The following ZNF880 variants were observed in gnomAD, a reference collection of about 807,000 sequenced individuals.
ZNF880 encodes zinc finger protein 880.
In ZNF880, 12 loss-of-function variants were observed where a neutral mutation model predicts 11.8. The ratio of observed to expected loss-of-function variants is 1.02; its 90% CI spans 0.65 to 1.65. ZNF880 has a LOEUF of 1.65. ZNF880 is among the 40% of genes most tolerant of loss of function. The probability of loss-of-function intolerance (pLI) is 0.00; values close to 1 mark genes in which losing one functional copy is unlikely to be tolerated. For synonymous variants in ZNF880, 210 were observed against 232.4 expected, an observed-to-expected ratio of 0.90 and a Z score of 0.88; for missense variants, 601 against 673.9, an observed-to-expected ratio of 0.89 and a Z score of 1.20.
the ZNF880 span, among the ~76,000 whole-genome samples, chr19:52,393,843 T>TC: frequency 2.1e-5 from 3 of 145,220 alleles, no homozygotes; most frequent in African/African-American, 7.5e-5. Flanking sequence ...CCCTTTTTTT[T>TC]TTTTTTTTTT....
intron 2 of ZNF880, among the ~76,000 whole-genome samples, 184 bp downstream of exon 2, chr19:52,373,421 T>TAATA (rs1986452740): frequency 6.6e-6 from 1 of 152,134 alleles, no homozygotes; most frequent in Non-Finnish European, 1.5e-5. Flanking sequence ...ATAAGCTCCA[T>TAATA]AATACTTTCT....
At chr19:52,383,084 CT>C (rs1185870938) in intron 3 of ZNF880, among the ~76,000 whole-genome samples, 1 of 152,124 alleles carries the variant, frequency 6.6e-6, no homozygotes, top group Admixed American at 6.5e-5. Context: ...TGAAATATTA[CT>C]TCAGTTATCA....
chr19:52,378,663 AAAAG>A (rs1470765480), intron 3 of ZNF880, among the ~76,000 whole-genome samples: 53 of 151,642 alleles, frequency 3.5e-4, no homozygotes, highest in Non-Finnish European at 6.3e-4. Context: ...AAAAAAAAAA[AAAAG>A]AAAGATCCTT....
In ZNF880 at chr19:52,384,789, G is replaced by C; in HGVS notation, c.1209G>C (p.Thr403=). 1 of 703,232 alleles carries C rather than the reference G, an allele frequency of 1.4e-6. No homozygotes were observed. Among genetic ancestry groups the C allele is most frequent in the Non-Finnish European group, 1.9e-6 (1 of 516,340 alleles). 43.6% of individuals were successfully genotyped at this position (703,232 alleles called of 1,614,324 possible). Reference sequence around the variant, plus strand: ...TAACCAATCATCATAGAATGCACACGGGAGAGCAACCTTACAAATGTAATG... The same window carrying C: ...TAACCAATCATCATAGAATGCACACCGGAGAGCAACCTTACAAATGTAATG... ...FCLTNHHRMH[T]GEQPYKCNEC... The change falls in exon 4 of 4, where the codon ACG becomes ACC. Residue 403 remains threonine, a synonymous_variant. Transcript: ENST00000422689.
At chr19:52,375,407 G>A (rs974086001) in intron 3 of ZNF880, among the ~76,000 whole-genome samples, 1 of 151,710 alleles carries the variant, frequency 6.6e-6, no homozygotes, top group Non-Finnish European at 1.5e-5. Context: ...GACCAAGCTG[G>A]TCTCGAACTC....
At position 52,385,505 on chromosome 19, in the gene ZNF880, C is replaced by T; in HGVS notation, c.*191C>T. 3 of 623,934 alleles carry T rather than the reference C, an allele frequency of 4.8e-6. No homozygotes were observed. Among genetic ancestry groups the T allele is most frequent in the Middle Eastern group, 8.8e-4 (2 of 2,270 alleles). The allele number at this position is 623,934 out of a possible 1,614,324, so 38.6% of individuals were successfully genotyped here. On this transcript the variant is annotated 3_prime_UTR_variant, in exon 4 of 4. Transcript: ENST00000422689. ...TGTGAATCAGGTCTCTTGAGGCCTG[C>T]CAAATGACTAGATATCAAAACATAC...
chr19:52,395,697 C>T, the ZNF880 span: 3 of 152,214 alleles, frequency 2.0e-5, 1 homozygote, highest in South Asian at 4.1e-4. Context: ...CTGTGGGAGG[C>T]TGGAAGGCGG....
chr19:52,384,563 A>G lies in ZNF880; in HGVS notation c.983A>G (p.Glu328Gly). The change falls in exon 4 of 4, where the codon GAA (glutamate) becomes GGA (glycine). Residue 328 changes from glutamate to glycine, a missense_variant. Physicochemically the swap from Glu to Gly is moderately conservative, Grantham distance 98. Around this residue, in one of 3 missense-constraint regions of ZNF880, gnomAD observed 420 missense variants for 442.6 expected, o/e 0.95. Coordinates refer to ENST00000422689, the MANE Select transcript of ZNF880 (RefSeq NM_001145434.2). ...HSGEKPYKCKECGKAFSGGSG... is the reference protein window; with the variant it reads ...HSGEKPYKCKGCGKAFSGGSG... ...GGAGAGAAACCTTACAAATGTAAGG[A>G]ATGTGGCAAAGCATTTTCAGGGGGT... 2 of 1,613,966 alleles carry G rather than the reference A, an allele frequency of 1.2e-6. No individual in the cohort carries two copies. The highest frequency in any genetic ancestry group is 2.2e-5 in the South Asian group (2 of 91,040).
At chr19:52,394,360 C>T in the ZNF880 span, among the ~76,000 whole-genome samples, 7 of 152,116 alleles carry the variant, frequency 4.6e-5, no homozygotes, top group South Asian at 4.2e-4. Flanking sequence ...CTCAGCTTCC[C>T]CAGTAGCTGG....
At chr19:52,375,243 G>A (rs1369136374) in intron 3 of ZNF880, among the ~76,000 whole-genome samples, 1 of 151,428 alleles carries the variant, frequency 6.6e-6, no homozygotes, top group African/African-American at 2.4e-5. Context: ...CTGGAGGGCA[G>A]TGGCACGATC....
the ZNF880 span, chr19:52,395,612 T>A: frequency 2.6e-5 from 4 of 152,306 alleles, no homozygotes; most frequent in African/African-American, 9.6e-5. Flanking sequence ...GATTCATGCA[T>A]TCTGCTCCCC....
chr19:52,384,890 A>C lies in ZNF880; in HGVS notation c.1310A>C (p.Lys437Thr). ...LLIHTGEKPYKCKECAKVFRH... is the reference protein window; with the variant it reads ...LLIHTGEKPYTCKECAKVFRH... ...ATTCACACTGGAGAGAAACCTTACA[A>C]ATGTAAAGAATGTGCCAAGGTCTTC... The change falls in exon 4 of 4, where the codon AAA becomes ACA. Residue 437 changes from lysine to threonine, a missense_variant. Lys to Thr is a moderately conservative substitution (Grantham distance 78). Transcript: ENST00000422689. 2 of 1,609,204 alleles carry C rather than the reference A, an allele frequency of 1.2e-6. No homozygotes were observed. Among genetic ancestry groups the C allele is most frequent in the South Asian group, 2.2e-5 (2 of 90,198 alleles).
the ZNF880 span, chr19:52,396,540 C>T: frequency 6.6e-6 from 1 of 152,224 alleles, no homozygotes; most frequent in Non-Finnish European, 1.5e-5. Flanking sequence ...AAAAGTTCTT[C>T]AGGTGACCCC....
At chr19:52,379,549 C>A (rs1274516701) in intron 3 of ZNF880, 1 of 393,482 alleles carries the variant, frequency 2.5e-6, no homozygotes, top group Admixed American at 3.4e-5. Flanking sequence ...GCGTGAGCCT[C>A]CGCGCCTGGC....
Position 52,384,610 on chromosome 19 carries a change from G to T in ZNF880, c.1030G>T (p.Val344Leu). The T allele has an allele frequency of 3.1e-6, 5 of 1,611,530 alleles. No individual in the cohort carries two copies. The highest frequency in any genetic ancestry group is 4.2e-6 in the Non-Finnish European group (5 of 1,179,042). ...SGGSGLTAHL[V>L]IHTGEKLYKC... ...GGGTTCAGGCCTTACTGCTCATCTT[G>T]TAATTCACACTGGAGAGAAACTTTA... Residue 344 changes from valine (V) to leucine (L), a missense_variant, in exon 4 of 4, where the codon GTA (valine) becomes TTA (leucine). Transcript: ENST00000422689.
rs774852920 is a variant in ZNF880 at position 52,384,393 on chromosome 19, TGA to T, written c.815_816del (p.Glu272ValfsTer27). ...CTGGAGAGAAACCTTACAAATGTCA[TGA>T]GTGTGGCAAAGTCTTCACTCAAAAT... ...HTGEKPYKCH[E>X]CGKVFTQNSH... is the part of the protein sequence containing the mutation. On this transcript the variant is annotated frameshift_variant, in exon 4 of 4. Coordinates refer to ENST00000422689, the MANE Select transcript of ZNF880 (RefSeq NM_001145434.2). LOFTEE classifies it low-confidence loss of function (END_TRUNC). 1 of 1,613,800 alleles carries T rather than the reference TGA, an allele frequency of 6.2e-7. No individual in the cohort carries two copies. Among genetic ancestry groups the T allele is most frequent in the South Asian group, 1.1e-5 (1 of 91,046 alleles).
At position 52,384,403 on chromosome 19, in the gene ZNF880, A is replaced by G. The variant is rs1318252527; in HGVS notation, c.823A>G (p.Lys275Glu). 1.9e-6 allele frequency: 3 copies of G among 1,614,038 alleles called. No individual in the cohort carries two copies. Among genetic ancestry groups the G allele is most frequent in the African/African-American group, 1.3e-5 (1 of 74,952 alleles). The change falls in exon 4 of 4, where the codon AAA becomes GAA. Residue 275 changes from lysine (K) to glutamate (E), a missense_variant. Physicochemically the swap from Lys to Glu is moderately conservative, Grantham distance 56. Coordinates refer to ENST00000422689, the MANE Select transcript of ZNF880 (RefSeq NM_001145434.2). ...ACCTTACAAATGTCATGAGTGTGGC[A>G]AAGTCTTCACTCAAAATTCTCACCT... ...EKPYKCHECGKVFTQNSHLAN... is the reference protein window; with the variant it reads ...EKPYKCHECGEVFTQNSHLAN...
chr19:52,381,554 C>T (rs567705031), intron 3 of ZNF880, among the ~76,000 whole-genome samples: 3 of 152,222 alleles, frequency 2.0e-5, no homozygotes, highest in East Asian at 1.9e-4. Flanking sequence ...ATCAGGCCAA[C>T]ATTACATGAA....
upstream of ZNF880, chr19:52,369,878 A>T: frequency 6.5e-7 from 1 of 1,527,758 alleles, no homozygotes; most frequent in Non-Finnish European, 8.9e-7. Flanking sequence ...GCTCCGCCCA[A>T]TCCCACCCGG....
Sources: gnomAD v4.1 joint callset for allele counts (sites outside exome capture counted in the v4.1 genomes callset) on GRCh38, gnomAD v4.1.1 for gene constraint, gnomAD v4.1.1 regional missense constraint, MANE v1.5 for transcripts, NCBI Gene and HGNC (gene_info 2026-07-23, HGNC 2026-07-21) for gene names.